The following GRIP1 variants were observed in gnomAD, a reference collection of about 807,000 sequenced individuals.
The protein encoded by GRIP1 is glutamate receptor interacting protein 1.
A neutral mutation model predicts 129.9 loss-of-function variants in GRIP1; 45 were observed. The observed-to-expected ratio is 0.35, with a 90% CI of 0.27 to 0.44. The LOEUF (loss-of-function observed/expected upper bound fraction) is 0.44. Ranked by LOEUF, GRIP1 falls within the 20% of genes least tolerant of loss-of-function variation. The probability of loss-of-function intolerance (pLI) is 1.00; values close to 1 mark genes in which losing one functional copy is unlikely to be tolerated. For synonymous variants in GRIP1, 530 were observed against 520.8 expected, an observed-to-expected ratio of 1.02 and a Z score of -0.24; for missense variants, 1,196 against 1,396.8, an observed-to-expected ratio of 0.86 and a Z score of 2.29.
chr12:66,589,224 C>G (rs557721917), intron 2 of GRIP1, among the ~76,000 whole-genome samples: 7 of 145,396 alleles, frequency 4.8e-5, no homozygotes, highest in Admixed American at 1.4e-4. Context: ...CTCTCTCTCT[C>G]TCTGTCTGTC....
At position 66,609,441 on chromosome 12, in the gene GRIP1, T is replaced by C. The variant is rs183422284; in HGVS notation, c.56-12514A>G. Among the ~76,000 whole-genome samples the C allele has an allele frequency of 3.2e-4, 48 of 152,304 alleles. 1 individual carries two copies. The East Asian group carries it at 6.0e-3, about 19-fold the overall frequency. ...ACCTGAGTTTTTATGAAGAAATTCA[T>C]TGACATTAAATGGTCTATTATGACT... On this transcript the variant is annotated intron_variant, in intron 1 of 24. Transcript: ENST00000359742.
chr12:66,762,597 C>T (rs10506498), intron 1 of GRIP1, among the ~76,000 whole-genome samples: 8,375 of 152,206 alleles, frequency 0.055, 405 homozygotes, highest in East Asian at 0.18. Flanking sequence ...TTAAATCCTT[C>T]GGTGCATAGA....
intron 1 of GRIP1, among the ~76,000 whole-genome samples, chr12:67,066,888 T>TTTTATATATATATATATATATATATA (rs59891449): frequency 3.7e-4 from 46 of 125,612 alleles, no homozygotes; most frequent in Admixed American, 5.9e-4. Context: ...AAATATATAT[T>TTTTATATATATATATATATATATATA]TATATATATA....
intron 2 of GRIP1, among the ~76,000 whole-genome samples, chr12:66,589,194 T>TTCTCTCTCTCTCTCTCTCTCTC (rs10582806): frequency 1.0e-5 from 1 of 95,606 alleles, no homozygotes; most frequent in African/African-American, 4.5e-5. Context: ...CTCCCCCACC[T>TTCTCTCTCTCTCTCTCTCTCTC]TCTCTCTCTC....
At chr12:66,910,663 G>C (rs576673804) in intron 1 of GRIP1, among the ~76,000 whole-genome samples, 2 of 152,136 alleles carry the variant, frequency 1.3e-5, no homozygotes, top group East Asian at 3.9e-4. Context: ...TAGTGAGTGT[G>C]AAAATGAAAC....
At chr12:66,353,188 T>A (rs531343109) in intron 24 of GRIP1, among the ~76,000 whole-genome samples, 1 of 152,226 alleles carries the variant, frequency 6.6e-6, no homozygotes, top group East Asian at 1.9e-4. Context: ...GGCTCTGAGC[T>A]CAGTGCCGAA....
At chr12:66,487,916 C>A (rs1294259681) in intron 7 of GRIP1, among the ~76,000 whole-genome samples, 1 of 152,162 alleles carries the variant, frequency 6.6e-6, no homozygotes, top group African/African-American at 2.4e-5. Context: ...TTCAATCCAA[C>A]AAGAAGAGCT....
intron 1 of GRIP1, among the ~76,000 whole-genome samples, chr12:66,827,603 A>G (rs2039442370): frequency 6.6e-6 from 1 of 152,192 alleles, no homozygotes; most frequent in African/African-American, 2.4e-5. Context: ...CATGAATGCC[A>G]GGAGACAGGT....
chr12:66,932,772 G>A (rs970548492), intron 1 of GRIP1, among the ~76,000 whole-genome samples: 8 of 152,034 alleles, frequency 5.3e-5, no homozygotes, highest in African/African-American at 1.9e-4. Context: ...GGGTTCAAGC[G>A]ATTCTCCTGC....
intron 1 of GRIP1, among the ~76,000 whole-genome samples, chr12:66,866,221 C>T (rs1014925751): frequency 1.1e-4 from 16 of 152,138 alleles, no homozygotes; most frequent in African/African-American, 3.9e-4. Flanking sequence ...ATAATCCCAG[C>T]ACTTTGAGAG....
At position 66,367,191 on chromosome 12, in the gene GRIP1, C is replaced by T. The variant is rs183496266; in HGVS notation, c.3012+4503G>A. On this transcript the variant is annotated intron_variant, in intron 23 of 24. Coordinates refer to ENST00000359742, the MANE Select transcript of GRIP1 (RefSeq NM_001366722.1). ...GCTGAGATCACAGGCCCCTTATCTG[C>T]AAAGAGAGAGAATCTGTGATAAGCT... Among the ~76,000 whole-genome samples the T allele has an allele frequency of 3.2e-4, 48 of 152,182 alleles. No individual in the cohort carries two copies. The East Asian group carries it at 6.6e-3, about 21-fold the overall frequency.
At chr12:66,546,195 A>G (rs1018411549) in intron 2 of GRIP1, among the ~76,000 whole-genome samples, 6 of 152,204 alleles carry the variant, frequency 3.9e-5, no homozygotes, top group Admixed American at 3.9e-4. Flanking sequence ...AGAGTAATAA[A>G]GACTGTGTGG....
chr12:66,798,058 A>T (rs1468432975), intron 1 of GRIP1, among the ~76,000 whole-genome samples: 2 of 152,208 alleles, frequency 1.3e-5, no homozygotes, highest in African/African-American at 2.4e-5. Flanking sequence ...TTCCAAGGGG[A>T]ATGAAAAAGG....
intron 1 of GRIP1, among the ~76,000 whole-genome samples, chr12:66,939,169 G>A (rs1044423056): frequency 2.6e-5 from 4 of 152,036 alleles, no homozygotes; most frequent in African/African-American, 9.7e-5. Flanking sequence ...AAGATGGGGT[G>A]GATGAATAAG....
chr12:66,852,664 A>G (rs2039935469), intron 1 of GRIP1, among the ~76,000 whole-genome samples: 2 of 151,730 alleles, frequency 1.3e-5, no homozygotes, highest in Admixed American at 6.6e-5. Context: ...AAATTTACAT[A>G]TATTTTATAA....
intron 1 of GRIP1, among the ~76,000 whole-genome samples, chr12:66,873,850 A>G (rs1026441666): frequency 2.6e-5 from 4 of 152,064 alleles, no homozygotes; most frequent in Admixed American, 2.0e-4. Flanking sequence ...GGTGTTGATA[A>G]TGGCATAATT....
chr12:66,862,977 C>T lies in GRIP1; in HGVS notation c.58+206073G>A, dbSNP rs145479016. ...AAATGTTGTACTATTATTGAAACACCGAGACAAAACAAGTACATGTAAAGT... is the reference window on the plus strand; with the variant it reads ...AAATGTTGTACTATTATTGAAACACTGAGACAAAACAAGTACATGTAAAGT... On this transcript the variant is annotated intron_variant, in intron 1 of 1. Transcript: ENST00000643019. 1.1e-3 allele frequency among the ~76,000 whole-genome samples: 166 copies of T among 151,638 alleles called. 1 individual carries two copies. Among genetic ancestry groups the T allele is most frequent in the African/African-American group, 3.8e-3 (156 of 41,324 alleles).
chr12:66,547,996 T>G (rs1177821453), intron 2 of GRIP1, among the ~76,000 whole-genome samples: 2 of 152,196 alleles, frequency 1.3e-5, no homozygotes, highest in Non-Finnish European at 2.9e-5. Context: ...GGAGTTTAAT[T>G]TTTTAAAAAA....
rs1244319253 is a variant in GRIP1 at position 66,392,349 on chromosome 12, G to A, written c.2423C>T (p.Ser808Leu). Residue 808 changes from serine to leucine, a missense_variant, in exon 19 of 25, where the codon TCA becomes TTA. Physicochemically the swap from Ser to Leu is moderately radical, Grantham distance 145. Around this residue, in one of 5 missense-constraint regions of GRIP1, gnomAD observed 427 missense variants for 463.3 expected, o/e 0.92. Transcript: ENST00000359742. Reference protein sequence around the residue: ...TVPSVDSAVDSWDGSAIDTSY... With the variant: ...TVPSVDSAVDLWDGSAIDTSY... ...GGTGTCTATTGCAGACCCATCCCAT[G>A]AATCCACAGCACTGTCCACACTGGG... is the stretch of plus-strand genomic sequence containing the variant. 1.2e-6 allele frequency: 2 copies of A among 1,613,338 alleles called. No homozygotes were observed. Among genetic ancestry groups the A allele is most frequent in the Non-Finnish European group, 1.7e-6 (2 of 1,179,308 alleles).
Sources: gnomAD v4.1 joint callset for allele counts (sites outside exome capture counted in the v4.1 genomes callset) on GRCh38, gnomAD v4.1.1 for gene constraint, gnomAD v4.1.1 regional missense constraint, MANE v1.5 for transcripts, NCBI Gene and HGNC (gene_info 2026-07-23, HGNC 2026-07-21) for gene names.